TMEM267: variants seen among roughly 807,000 people sequenced by gnomAD.
TMEM267 encodes transmembrane protein 267.
TMEM267 carries 20 observed loss-of-function variants against 19.3 expected under a neutral mutation model. That is an observed-to-expected ratio of 1.04 (90% CI 0.73 to 1.51). TMEM267 has a LOEUF of 1.51. TMEM267 is among the 40% of genes most tolerant of loss of function. TMEM267 has a pLI of 0.00. For missense variants in TMEM267, 242 were observed against 261.9 expected, an observed-to-expected ratio of 0.92 and a Z score of 0.52; for synonymous variants, 88 against 90.3, an observed-to-expected ratio of 0.97 and a Z score of 0.15.
chr5:43,474,264 C>A (rs1200302624), intron 1 of TMEM267, among the ~76,000 whole-genome samples: 1 of 152,132 alleles, frequency 6.6e-6, no homozygotes, highest in Admixed American at 6.5e-5. Context: ...CAAATGAGAT[C>A]TAATTAAACG....
chr5:43,482,508 G>C (rs1030519548), intron 1 of TMEM267, among the ~76,000 whole-genome samples: 2 of 152,112 alleles, frequency 1.3e-5, no homozygotes, highest in Admixed American at 1.3e-4. Context: ...TGTTGATAAG[G>C]TTCCTTAAGA....
chr5:43,461,586 C>T (rs562926556), intron 1 of TMEM267, among the ~76,000 whole-genome samples: 1 of 152,266 alleles, frequency 6.6e-6, no homozygotes, highest in South Asian at 2.1e-4. Flanking sequence ...TCAGGCCAGG[C>T]AGCATCCACC....
At chr5:43,452,376 C>G (rs1290599782) in intron 2 of TMEM267, among the ~76,000 whole-genome samples, 3 of 152,064 alleles carry the variant, frequency 2.0e-5, no homozygotes, top group African/African-American at 7.2e-5. Context: ...CATGTTCTCA[C>G]TTGTAAGCGA....
At chr5:43,475,258 AAACT>A (rs34891232) in intron 1 of TMEM267, among the ~76,000 whole-genome samples, 2,091 of 152,308 alleles carry the variant, frequency 0.014, 54 homozygotes, top group East Asian at 0.13. Flanking sequence ...CATTCTCAGC[AAACT>A]AACAGAACAG....
chr5:43,457,754 TA>T lies in TMEM267; in HGVS notation c.-74-3712del, dbSNP rs1270697977. On this transcript the variant is annotated intron_variant, in intron 1 of 2. Transcript: ENST00000397080. Reference sequence around the variant, plus strand: ...TTAATTAGAAAAACTTACAAAAACTTAAAAATAAAGTCAATTTATTTTAAAA... The same window carrying T: ...TTAATTAGAAAAACTTACAAAAACTTAAAATAAAGTCAATTTATTTTAAAA... Among the ~76,000 whole-genome samples, 7 of 152,262 alleles carry T rather than the reference TA, an allele frequency of 4.6e-5. No homozygotes were observed. The South Asian group carries it at 1.0e-3, about 23-fold the overall frequency.
At chr5:43,448,875 T>A in intron 2 of TMEM267, among the ~76,000 whole-genome samples, 1 of 139,130 alleles carries the variant, frequency 7.2e-6, no homozygotes, top group African/African-American at 2.7e-5. Flanking sequence ...ACATAAAACA[T>A]AAGAAAATTA....
chr5:43,448,790 C>A (rs1003944264), intron 2 of TMEM267, among the ~76,000 whole-genome samples: 8 of 149,224 alleles, frequency 5.4e-5, no homozygotes, highest in African/African-American at 2.5e-5. Context: ...AACAACCCCC[C>A]CCCACAAAAA....
intron 1 of TMEM267, among the ~76,000 whole-genome samples, 166 bp downstream of exon 1, chr5:43,483,656 C>T (rs1431074962): frequency 6.6e-6 from 1 of 152,202 alleles, no homozygotes; most frequent in Non-Finnish European, 1.5e-5. Context: ...AGGCTCCTGG[C>T]TCCCGCGTGG....
At chr5:43,452,535 G>A (rs188620175) in intron 2 of TMEM267, among the ~76,000 whole-genome samples, 2 of 148,776 alleles carry the variant, frequency 1.3e-5, no homozygotes, top group African/African-American at 2.5e-5. Context: ...AGACTTTACC[G>A]CTATGCAATA....
At chr5:43,454,340 T>A in intron 1 of TMEM267, 1 of 171,480 alleles carries the variant, frequency 5.8e-6, no homozygotes, top group East Asian at 1.6e-4. Context: ...CTGTGTGTAG[T>A]ACATGGTGGT....
intron 1 of TMEM267, among the ~76,000 whole-genome samples, chr5:43,464,774 T>A (rs1023350096): frequency 2.2e-4 from 34 of 152,302 alleles, no homozygotes; most frequent in South Asian, 8.3e-4. Flanking sequence ...TGAAACTGGA[T>A]CCCTTCCTTA....
At chr5:43,450,166 T>C (rs1213926645) in intron 2 of TMEM267, among the ~76,000 whole-genome samples, 2 of 152,026 alleles carry the variant, frequency 1.3e-5, no homozygotes, top group Non-Finnish European at 2.9e-5. Flanking sequence ...GGCTAGTTTT[T>C]TATTTTTTGT....
chr5:43,452,622 TCTA>T (rs909285925), intron 2 of TMEM267, among the ~76,000 whole-genome samples: 2 of 150,780 alleles, frequency 1.3e-5, no homozygotes, highest in Non-Finnish European at 2.9e-5. Context: ...AGAAAAGTAC[TCTA>T]CTAACACCAA....
chr5:43,461,623 C>G (rs1175970384), intron 1 of TMEM267, among the ~76,000 whole-genome samples: 1 of 152,102 alleles, frequency 6.6e-6, no homozygotes, highest in Non-Finnish European at 1.5e-5. Context: ...GACCTTGTGC[C>G]TTAAGGGGCA....
intron 2 of TMEM267, among the ~76,000 whole-genome samples, chr5:43,449,373 A>G (rs1742444096): frequency 6.6e-6 from 1 of 152,204 alleles, no homozygotes; most frequent in African/African-American, 2.4e-5. Flanking sequence ...AATAGAATAC[A>G]GGCAAAAAGA....
chr5:43,472,188 A>C (rs1207842744), intron 1 of TMEM267, among the ~76,000 whole-genome samples: 6 of 152,240 alleles, frequency 3.9e-5, no homozygotes, highest in Non-Finnish European at 8.8e-5. Context: ...GCATATGTAA[A>C]GGTGCTCAGT....
intron 1 of TMEM267, among the ~76,000 whole-genome samples, chr5:43,473,509 G>A (rs1182556518): frequency 6.6e-6 from 1 of 152,106 alleles, no homozygotes; most frequent in African/African-American, 2.4e-5. Context: ...ATTCACAATT[G>A]CTACAAGGAG....
upstream of TMEM267, chr5:43,484,242 G>C (rs1469089245): frequency 2.0e-5 from 3 of 152,272 alleles, no homozygotes; most frequent in Non-Finnish European, 4.4e-5. Flanking sequence ...CCGAATGCCA[G>C]GCACACAGGC....
chr5:43,469,880 TGTA>T (rs1317170277), intron 1 of TMEM267, among the ~76,000 whole-genome samples: 3 of 152,230 alleles, frequency 2.0e-5, no homozygotes, highest in Non-Finnish European at 4.4e-5. Flanking sequence ...ACCCTGGCGA[TGTA>T]AACGGATGGC....
Sources: allele counts gnomAD v4.1 joint callset (sites outside exome capture counted in the v4.1 genomes callset), GRCh38; gene constraint gnomAD v4.1.1; transcripts MANE v1.5; gene names NCBI Gene and HGNC (gene_info 2026-07-23, HGNC 2026-07-21).